The following IQCK variants were observed in gnomAD, a reference collection of about 807,000 sequenced individuals.
The protein encoded by IQCK is IQ motif containing K.
Under a neutral mutation model 28.1 loss-of-function variants are expected in IQCK, and 29 were observed. That is an observed-to-expected ratio of 1.03 (90% confidence interval 0.77 to 1.41). IQCK has a LOEUF of 1.41. Among genes scored for constraint, IQCK ranks in the 40% most tolerant of loss-of-function variants. The pLI, the probability that IQCK is intolerant of heterozygous loss-of-function variation, is 0.00. For synonymous variants in IQCK, 113 were observed against 115.1 expected (o/e 0.98, Z 0.12); for missense variants, 359 against 314.7 (o/e 1.14, Z -1.07).
At chr16:19,857,588 C>T (rs1012980441) in exon 10 of IQCK, 8 of 352,580 alleles carry the variant, frequency 2.3e-5, no homozygotes, top group African/African-American at 4.4e-5. Context: ...GCTGAGAACT[C>T]CTGTAAGCTG....
chr16:19,850,254 C>T (rs1304714326), intron 9 of IQCK, among the ~76,000 whole-genome samples: 2 of 152,034 alleles, frequency 1.3e-5, no homozygotes, highest in Admixed American at 6.6e-5. Flanking sequence ...AGATCTTGAC[C>T]CTGTAGAGTT....
At chr16:19,773,889 A>T (rs546729585) in intron 6 of IQCK, among the ~76,000 whole-genome samples, 1 of 152,330 alleles carries the variant, frequency 6.6e-6, no homozygotes, top group East Asian at 1.9e-4. Context: ...TTGATATGTG[A>T]CAGTCTTCAG....
intron 7 of IQCK, among the ~76,000 whole-genome samples, chr16:19,808,647 G>T (rs1376903592): frequency 1.3e-5 from 2 of 152,190 alleles, no homozygotes; most frequent in Non-Finnish European, 2.9e-5. Flanking sequence ...ATATTAATTT[G>T]CAGGGCCCAG....
At chr16:19,720,656 G>A (rs1977464400) in intron 1 of IQCK, among the ~76,000 whole-genome samples, 1 of 152,184 alleles carries the variant, frequency 6.6e-6, no homozygotes. Flanking sequence ...TAGAGAGAAA[G>A]CAAAGACAAA....
At chr16:19,739,533 G>A (rs573708274) in intron 4 of IQCK, among the ~76,000 whole-genome samples, 1 of 152,336 alleles carries the variant, frequency 6.6e-6, no homozygotes, top group South Asian at 2.1e-4. Flanking sequence ...AGTCAGAGAA[G>A]ACCCAGTGTG....
chr16:19,753,573 C>T (rs1289867453), intron 4 of IQCK, among the ~76,000 whole-genome samples: 1 of 152,124 alleles, frequency 6.6e-6, no homozygotes, highest in Admixed American at 6.5e-5. Flanking sequence ...ACTCAGGGTG[C>T]TGTTACCAAA....
intron 4 of IQCK, among the ~76,000 whole-genome samples, chr16:19,743,147 G>A (rs1335016469): frequency 1.3e-5 from 2 of 152,076 alleles, no homozygotes; most frequent in Middle Eastern, 3.2e-3. Context: ...CTCCAGCCTG[G>A]GTGGCAGAGT....
chr16:19,818,905 G>A (rs1365023191), intron 7 of IQCK, among the ~76,000 whole-genome samples: 5 of 152,092 alleles, frequency 3.3e-5, no homozygotes, highest in African/African-American at 7.2e-5. Flanking sequence ...TGACAAGACC[G>A]TCTATCCAAA....
intron 7 of IQCK, among the ~76,000 whole-genome samples, chr16:19,823,407 C>T (rs1007637857): frequency 2.6e-5 from 4 of 152,118 alleles, no homozygotes; most frequent in Admixed American, 6.5e-5. Flanking sequence ...TCAGTGTGCC[C>T]TGCATCCCTC....
chr16:19,726,898 C>T (rs2106638), intron 1 of IQCK, among the ~76,000 whole-genome samples: 15,004 of 152,060 alleles, frequency 0.099, 843 homozygotes, highest in Non-Finnish European at 0.13. Context: ...CTTTGGGAGG[C>T]CAAGGTGGGC....
chr16:19,850,442 ACCTGGAAT>A (rs1385849406), intron 9 of IQCK, among the ~76,000 whole-genome samples: 1 of 152,214 alleles, frequency 6.6e-6, no homozygotes, highest in Non-Finnish European at 1.5e-5. Flanking sequence ...TTTATTATTT[ACCTGGAAT>A]CCTAGAAATC....
At chr16:19,756,430 CA>C (rs1282859755) in intron 4 of IQCK, among the ~76,000 whole-genome samples, 1 of 152,154 alleles carries the variant, frequency 6.6e-6, no homozygotes, top group East Asian at 1.9e-4. Flanking sequence ...AACAAACAAA[CA>C]AGCCCAGTAA....
chr16:19,767,847 G>A lies in IQCK; in HGVS notation c.605+3735G>A, dbSNP rs185834240. Among the ~76,000 whole-genome samples, 7 of 151,656 alleles carry A rather than the reference G, an allele frequency of 4.6e-5. No individual in the cohort carries two copies. In the East Asian group the frequency reaches 1.2e-3, roughly 25 times the overall value. ...TCCTGTATCAGTGGTACCACTGCAC[G>A]CCAGCCTGGGTGACAGAGCGAGACT... On this transcript the variant is annotated intron_variant, in intron 6 of 7. Coordinates refer to ENST00000564186, the Ensembl canonical transcript of IQCK.
chr16:19,748,072 CTTTTTTT>C (rs61573221), intron 4 of IQCK, among the ~76,000 whole-genome samples: 3 of 117,214 alleles, frequency 2.6e-5, no homozygotes, highest in African/African-American at 3.5e-5. Context: ...GGCTCAAATT[CTTTTTTT>C]TTTTTTTTTT....
At chr16:19,735,402 C>T (rs766142898) in exon 4 of IQCK, 44 of 1,613,980 alleles carry the variant, frequency 2.7e-5, no homozygotes, top group Middle Eastern at 1.6e-4. Flanking sequence ...TTCTGCTTCC[C>T]GGAATGGCTA....
upstream of IQCK, chr16:19,718,273 T>C: frequency 6.3e-7 from 1 of 1,576,498 alleles, no homozygotes; most frequent in Non-Finnish European, 8.6e-7. Context: ...GTCGCGGCCT[T>C]CCGGCGAACG....
At chr16:19,822,117 G>C (rs2056082095) in intron 7 of IQCK, among the ~76,000 whole-genome samples, 1 of 149,742 alleles carries the variant, frequency 6.7e-6, no homozygotes, top group African/African-American at 2.5e-5. Context: ...GGCCAAGTGA[G>C]GTGGCTCACG....
chr16:19,752,766 G>T (rs929117822), intron 4 of IQCK, among the ~76,000 whole-genome samples: 5 of 152,214 alleles, frequency 3.3e-5, no homozygotes, highest in Non-Finnish European at 5.9e-5. Flanking sequence ...GCTTTGCCAT[G>T]TTGGCCAGGC....
chr16:19,777,743 C>A (rs2055414487), intron 6 of IQCK, among the ~76,000 whole-genome samples: 1 of 152,124 alleles, frequency 6.6e-6, no homozygotes, highest in South Asian at 2.1e-4. Context: ...TGCTGTTTCT[C>A]CATGGCTGTT....
Sources: gnomAD v4.1 joint callset for allele counts (sites outside exome capture counted in the v4.1 genomes callset) on GRCh38, gnomAD v4.1.1 for gene constraint, MANE v1.5 for transcripts, NCBI Gene and HGNC (gene_info 2026-07-23, HGNC 2026-07-21) for gene names.